The following SYS1 variants were observed in gnomAD, a reference collection of about 807,000 sequenced individuals.
SYS1 encodes the protein SYS1 golgi trafficking protein.
SYS1 carries 8 observed loss-of-function variants against 17.8 expected under a neutral mutation model. The observed-to-expected ratio is 0.45, with a 90% CI of 0.26 to 0.81. The LOEUF is 0.81. Ranked by LOEUF, SYS1 falls within the 40% of genes least tolerant of loss-of-function variation. The probability of loss-of-function intolerance (pLI) is 0.16; values close to 1 mark genes in which losing one functional copy is unlikely to be tolerated. For missense variants in SYS1, 161 were observed against 203.9 expected (o/e 0.79, Z 1.28); for synonymous variants, 95 against 90.9 (o/e 1.05, Z -0.26).
intron 3 of SYS1, among the ~76,000 whole-genome samples, chr20:45,366,179 G>A (rs1180597092): frequency 6.6e-6 from 1 of 152,188 alleles, no homozygotes; most frequent in East Asian, 1.9e-4. Flanking sequence ...TTGAACCTCA[G>A]CTTTACTACT....
At chr20:45,362,645 C>A (rs1451065151), upstream of SYS1, among the ~76,000 whole-genome samples, 1 of 152,166 alleles carries the variant, frequency 6.6e-6, no homozygotes, top group Non-Finnish European at 1.5e-5. Context: ...GGATTACAGG[C>A]GTGAGCCACC....
At chr20:45,369,982 T>C (rs748675584), downstream of SYS1, among the ~76,000 whole-genome samples, 27 of 151,402 alleles carry the variant, frequency 1.8e-4, no homozygotes, top group Non-Finnish European at 3.2e-4. Context: ...TGGAATGCAG[T>C]GGCCCAATCT....
At chr20:45,375,483 C>T (rs1371810842) in exon 4 of SYS1, 3 of 1,612,902 alleles carry the variant, frequency 1.9e-6, no homozygotes. Context: ...ACTTGAGTTC[C>T]TTCTCGGAGC....
At chr20:45,363,796 T>C (rs1217508760) in intron 2 of SYS1, 103 bp downstream of exon 2, 2 of 1,271,064 alleles carry the variant, frequency 1.6e-6, no homozygotes, top group African/African-American at 1.5e-5. Flanking sequence ...CCTTCTTTCT[T>C]TGTAGCCCTG....
downstream of SYS1, among the ~76,000 whole-genome samples, chr20:45,369,936 T>TG (rs1460162424): frequency 6.6e-6 from 1 of 150,890 alleles, no homozygotes; most frequent in Admixed American, 6.6e-5. Flanking sequence ...TTTTTTTTTT[T>TG]GAAACAGAGT....
At position 45,367,232 on chromosome 20, in the gene SYS1, C is replaced by G. The variant is rs577930332; in HGVS notation, c.*117C>G. 3.3e-6 allele frequency: 5 copies of G among 1,522,362 alleles called. No individual in the cohort carries two copies. The East Asian group carries it at 1.1e-4, about 35-fold the overall frequency. The allele number at this position is 1,522,362 out of a possible 1,614,324, so 94.3% of individuals were successfully genotyped here. ...GAGGAACCCTGGAAATGTGAAGTCT[C>G]TGTTGGTTTGGGAGAGATAGTGAGG... On this transcript the variant is annotated 3_prime_UTR_variant, in exon 4 of 4. Transcript: ENST00000243918.
At chr20:45,371,044 T>C (rs1988550438), downstream of SYS1, among the ~76,000 whole-genome samples, 1 of 152,142 alleles carries the variant, frequency 6.6e-6, no homozygotes, top group African/African-American at 2.4e-5. Context: ...GAGTGCAAAG[T>C]CCTGGAGTCC....
rs1281623709 is a variant in SYS1 at position 45,365,694 on chromosome 20, T to A, written c.230+8T>A. 6.2e-7 allele frequency: 1 copy of A among 1,613,900 alleles called. No homozygotes were observed. The highest frequency in any genetic ancestry group is 1.3e-5 in the African/African-American group (1 of 74,906). On this transcript the variant is annotated splice_region_variant and intron_variant, in intron 3 of 3. Coordinates refer to ENST00000243918, the MANE Select transcript of SYS1 (RefSeq NM_033542.4). ...CCTCAACGCCCTCACCTGGTGAGTATCACCAGTTTTGCTATCCAGCTTTTG... is the reference window on the plus strand; with the variant it reads ...CCTCAACGCCCTCACCTGGTGAGTAACACCAGTTTTGCTATCCAGCTTTTG...
rs1988457911 is a variant in SYS1 at position 45,367,548 on chromosome 20, A to G, written c.*433A>G. ...GCCGAATCACAGCAGTTACCTTTGCAGTGTTGCCGAATCACAGCAGTTCTG... is the reference window on the plus strand; with the variant it reads ...GCCGAATCACAGCAGTTACCTTTGCGGTGTTGCCGAATCACAGCAGTTCTG... On this transcript the variant is annotated 3_prime_UTR_variant, in exon 4 of 4. Transcript: ENST00000243918. The G allele has an allele frequency of 2.0e-6, 2 of 998,274 alleles. No individual in the cohort carries two copies. Among genetic ancestry groups the G allele is most frequent in the Non-Finnish European group, 2.4e-6 (2 of 837,040 alleles). 61.8% of individuals were successfully genotyped at this position (998,274 alleles called of 1,614,324 possible).
downstream of SYS1, chr20:45,373,390 G>A (rs146349538): frequency 4.2e-3 from 712 of 170,316 alleles, 4 homozygotes; most frequent in African/African-American, 0.016. Flanking sequence ...AGTGCAATCA[G>A]TTTTTGACAA....
downstream of SYS1, chr20:45,372,787 G>C (rs1988593763): frequency 6.6e-6 from 1 of 152,266 alleles, no homozygotes; most frequent in South Asian, 2.1e-4. Flanking sequence ...TGCGCTGGGA[G>C]CAGGAGCTCG....
chr20:45,375,409 A>C, exon 4 of SYS1: 1 of 1,613,828 alleles, frequency 6.2e-7, no homozygotes, highest in Non-Finnish European at 8.5e-7. Flanking sequence ...CCCTGACTGC[A>C]CCTGGGACTT....
chr20:45,367,525 C>T lies in SYS1; in HGVS notation c.*410C>T, dbSNP rs562649316. The T allele has an allele frequency of 7.0e-6, 7 of 1,002,764 alleles. No homozygotes were observed. The Admixed American group carries it at 1.6e-4, about 24-fold the overall frequency. The allele number at this position is 1,002,764 out of a possible 1,614,324, so 62.1% of individuals were successfully genotyped here. On this transcript the variant is annotated 3_prime_UTR_variant, in exon 4 of 4. Coordinates refer to ENST00000243918, the MANE Select transcript of SYS1 (RefSeq NM_033542.4). ...ACAGCTGTTACCTTTGCAGTGTTGC[C>T]GAATCACAGCAGTTACCTTTGCAGT...
At chr20:45,369,929 T>A (rs1201581906), downstream of SYS1, among the ~76,000 whole-genome samples, 2 of 149,208 alleles carry the variant, frequency 1.3e-5, no homozygotes, top group Admixed American at 6.7e-5. Context: ...CTGGCCTTTT[T>A]TTTTTTTGAA....
chr20:45,365,392 C>T, intron 2 of SYS1: 2 of 641,584 alleles, frequency 3.1e-6, no homozygotes, highest in Non-Finnish European at 5.7e-6. Context: ...TTACGTCCTC[C>T]TTTGTAAAAT....
chr20:45,365,685 TG>T lies in SYS1; in HGVS notation c.230+1del. The T allele has an allele frequency of 1.2e-6, 2 of 1,614,126 alleles. No individual in the cohort carries two copies. Among genetic ancestry groups the T allele is most frequent in the Non-Finnish European group, 1.7e-6 (2 of 1,179,972 alleles). Reference protein sequence around the residue: ...MMSFILNALTCALGLLYFIRR... With the variant: ...MMSFILNALTXALGLLYFIRR... ...GTCCTTCATCCTCAACGCCCTCACC[TG>T]GTGAGTATCACCAGTTTTGCTATCC... On this transcript the variant is annotated frameshift_variant and splice_region_variant, in exon 3 of 4. Transcript: ENST00000243918. LOFTEE classifies it high-confidence loss of function.
intron 3 of SYS1, chr20:45,365,987 T>G (rs1600746829): frequency 4.7e-6 from 2 of 421,880 alleles, no homozygotes; most frequent in Non-Finnish European, 8.8e-6. Context: ...GAGAACTGGG[T>G]TCTGTTCTTG....
At chr20:45,365,966 C>T (rs757485706) in intron 3 of SYS1, 181 of 466,378 alleles carry the variant, frequency 3.9e-4, no homozygotes, top group Non-Finnish European at 6.1e-4. Flanking sequence ...AAGGATTCGA[C>T]CGAGAGGCAG....
Position 45,366,246 on chromosome 20 carries a change from G to A in SYS1, c.230+560G>A, listed in dbSNP as rs540048103. On this transcript the variant is annotated intron_variant, in intron 3 of 3. Transcript: ENST00000243918. The stretch of plus-strand genomic sequence containing the variant: ...ACAGTTGCCTCATCAGTAAAATGGG[G>A]CTAGTAATATTACCTACCTCATAGT... Among the ~76,000 whole-genome samples, 3 of 152,276 alleles carry A rather than the reference G, an allele frequency of 2.0e-5. No homozygotes were observed. In the East Asian group the frequency reaches 5.8e-4, roughly 29 times the overall value.
Sources: gnomAD v4.1 joint callset for allele counts (sites outside exome capture counted in the v4.1 genomes callset) on GRCh38, gnomAD v4.1.1 for gene constraint, MANE v1.5 for transcripts, NCBI Gene and HGNC (gene_info 2026-07-23, HGNC 2026-07-21) for gene names.